SNRPA: variants seen among roughly 807,000 people sequenced by gnomAD.
SNRPA encodes small nuclear ribonucleoprotein polypeptide A.
SNRPA carries 10 observed loss-of-function variants against 24.5 expected under a neutral mutation model. That is an observed-to-expected ratio of 0.41 (90% confidence interval 0.25 to 0.69). The LOEUF (loss-of-function observed/expected upper bound fraction) is 0.69. Among genes scored for constraint, SNRPA ranks in the 30% least tolerant of loss-of-function variants. SNRPA has a pLI of 0.33. For synonymous variants in SNRPA, 165 were observed against 148.4 expected, an observed-to-expected ratio of 1.11 and a Z score of -0.81; for missense variants, 283 against 394.7, an observed-to-expected ratio of 0.72 and a Z score of 2.40.
At chr19:40,751,521 A>G in intron 1 of SNRPA, 40 bp downstream of exon 1, 2 of 1,464,994 alleles carry the variant, frequency 1.4e-6, no homozygotes, top group Non-Finnish European at 1.9e-6. Flanking sequence ...ACTGTCCCGC[A>G]CGGGCTGGCC....
intron 1 of SNRPA, among the ~76,000 whole-genome samples, chr19:40,753,398 T>G (rs1243175016): frequency 1.7e-5 from 2 of 115,086 alleles, no homozygotes; most frequent in Non-Finnish European, 1.9e-5. Flanking sequence ...TTTTTTTTTT[T>G]TTTTTTTTTT....
At chr19:40,761,458 C>CTTTTTCTTTT (rs1204455823) in intron 3 of SNRPA, among the ~76,000 whole-genome samples, 2 of 85,860 alleles carry the variant, frequency 2.3e-5, no homozygotes, top group African/African-American at 8.6e-5. Flanking sequence ...TTTTCTTTTT[C>CTTTTTCTTTT]TTTTTTTTTT....
intron 1 of SNRPA, among the ~76,000 whole-genome samples, chr19:40,753,952 C>G (rs2082897031): frequency 1.3e-5 from 2 of 151,864 alleles, no homozygotes; most frequent in African/African-American, 4.8e-5. Context: ...CAGGCGCCCA[C>G]CAGCACACCC....
rs201788574 is a variant in SNRPA, at chr19:40,759,487, C to T, written c.303C>T (p.Phe101=). 1.7e-5 allele frequency: 28 copies of T among 1,613,950 alleles called. No homozygotes were observed. The African/African-American group carries it at 2.0e-4, about 12-fold the overall frequency. The change falls in exon 3 of 6, where the codon TTC becomes TTT. Residue 101 remains phenylalanine, a synonymous_variant. Transcript: ENST00000243563. ...TCATTGCCAAGATGAAAGGCACCTTCGTGGAGCGGGACCGCAAGCGGGAGA... is the reference window on the plus strand; with the variant it reads ...TCATTGCCAAGATGAAAGGCACCTTTGTGGAGCGGGACCGCAAGCGGGAGA... ...SDIIAKMKGT[F]VERDRKREKR... is the part of the protein sequence containing the mutation.
chr19:40,751,911 C>A (rs2604874), intron 1 of SNRPA, among the ~76,000 whole-genome samples: 118,923 of 152,186 alleles, frequency 0.78, 46,949 homozygotes, highest in African/African-American at 0.89. Flanking sequence ...CCACAATGAA[C>A]ATGTACCATA....
rs374319458 is a variant in SNRPA at position 40,759,565 on chromosome 19, C to T, written c.381C>T (p.Gly127=). ...ETPATKKAVQ[G]GGATPVVGAV... is the part of the protein sequence containing the mutation. ...CGGCCACCAAGAAGGCTGTGCAAGG[C>T]GGGGGAGCCACCCCCGTGGTGGGGG... is the stretch of plus-strand genomic sequence containing the variant. Residue 127 remains glycine, a synonymous_variant, in exon 3 of 6, where the codon GGC becomes GGT. Coordinates refer to ENST00000243563, the MANE Select transcript of SNRPA (RefSeq NM_004596.5). The T allele has an allele frequency of 6.2e-6, 10 of 1,613,610 alleles. No homozygotes were observed. Among genetic ancestry groups the T allele is most frequent in the East Asian group, 2.2e-5 (1 of 44,848 alleles).
intron 4 of SNRPA, chr19:40,763,347 G>T: frequency 1.7e-6 from 1 of 600,824 alleles, no homozygotes; most frequent in Non-Finnish European, 3.0e-6. Flanking sequence ...GCCAGGCCCC[G>T]TTCTGCACTG....
chr19:40,757,634 C>G, intron 2 of SNRPA, 130 bp downstream of exon 2: 2 of 844,148 alleles, frequency 2.4e-6, no homozygotes, highest in Non-Finnish European at 1.8e-6. Flanking sequence ...CCCACTGCAC[C>G]TTGCCTCATT....
At chr19:40,764,338 T>C (rs919551001) in intron 5 of SNRPA, among the ~76,000 whole-genome samples, 1 of 152,086 alleles carries the variant, frequency 6.6e-6, no homozygotes, top group Non-Finnish European at 1.5e-5. Flanking sequence ...AACTTTATAA[T>C]AGTGCCGAGA....
rs146065356 is a variant in SNRPA, at chr19:40,762,969, G to A, written c.495G>A (p.Pro165=). The A allele has an allele frequency of 1.7e-5, 27 of 1,613,058 alleles. No individual in the cohort carries two copies. The highest frequency in any genetic ancestry group is 1.6e-4 in the African/African-American group (12 of 74,864). Residue 165 remains proline, a synonymous_variant, in exon 4 of 6, where the codon CCG becomes CCA. Coordinates refer to ENST00000243563, the MANE Select transcript of SNRPA (RefSeq NM_004596.5). ...HHMPGQPPYM[P]PPGMIPPPGL... is the part of the protein sequence containing the mutation. ...TGCCGGGCCAGCCGCCCTACATGCC[G>A]CCCCCTGGTATGATCCCCCCGCCAG...
At chr19:40,763,387 CCT>C in intron 4 of SNRPA, 198 bp from the exon 5 acceptor site, 1 of 615,754 alleles carries the variant, frequency 1.6e-6, no homozygotes, top group East Asian at 2.8e-5. Flanking sequence ...GAGATAGAAA[CCT>C]CTGCTGTCCT....
At chr19:40,759,856 A>T (rs1320530699) in intron 3 of SNRPA, among the ~76,000 whole-genome samples, 1 of 151,708 alleles carries the variant, frequency 6.6e-6, no homozygotes, top group Non-Finnish European at 1.5e-5. Flanking sequence ...CATGGCTATG[A>T]CTTGGTTTCG....
At chr19:40,753,264 G>C (rs948853093) in intron 1 of SNRPA, among the ~76,000 whole-genome samples, 2 of 148,946 alleles carry the variant, frequency 1.3e-5, no homozygotes, top group Admixed American at 1.3e-4. Flanking sequence ...CTGAGCAGGA[G>C]AATCACTTGA....
chr19:40,753,463 C>G (rs1263475918), intron 1 of SNRPA, among the ~76,000 whole-genome samples: 1 of 111,522 alleles, frequency 9.0e-6, no homozygotes, highest in Non-Finnish European at 1.7e-5. Context: ...GTGGCACGAT[C>G]TTGGCTCACT....
intron 4 of SNRPA, 158 bp from the exon 5 acceptor site, chr19:40,763,429 T>G (rs1472989008): frequency 1.5e-6 from 1 of 673,256 alleles, no homozygotes. Flanking sequence ...GGCAAAGAGG[T>G]GGGAGGCAGA....
chr19:40,763,293 A>C, intron 4 of SNRPA: 1 of 594,950 alleles, frequency 1.7e-6, no homozygotes, highest in East Asian at 2.8e-5. Flanking sequence ...GAGTGGTGCC[A>C]GCACCTAGAT....
chr19:40,754,238 G>T (rs1322819644), intron 1 of SNRPA, among the ~76,000 whole-genome samples: 1 of 152,016 alleles, frequency 6.6e-6, no homozygotes, highest in Admixed American at 6.6e-5. Context: ...GAGTAGCTGG[G>T]ATTCCAAGCA....
chr19:40,759,265 G>A (rs960147485), intron 2 of SNRPA, among the ~76,000 whole-genome samples, 166 bp from the exon 3 acceptor site: 4 of 151,614 alleles, frequency 2.6e-5, no homozygotes, highest in Admixed American at 6.6e-5. Flanking sequence ...GGCCAAGCTG[G>A]TCTCCACCTC....
chr19:40,755,262 T>G (rs868807163), intron 1 of SNRPA, among the ~76,000 whole-genome samples: 1 of 121,770 alleles, frequency 8.2e-6, no homozygotes, highest in Non-Finnish European at 1.6e-5. Flanking sequence ...CTTTTCTTTT[T>G]TTTTTTTTTT....
Sources: gnomAD v4.1 joint callset for allele counts (sites outside exome capture counted in the v4.1 genomes callset) on GRCh38, gnomAD v4.1.1 for gene constraint, MANE v1.5 for transcripts, NCBI Gene and HGNC (gene_info 2026-07-23, HGNC 2026-07-21) for gene names.